The following TMEM190 variants were observed in gnomAD, a reference collection of about 807,000 sequenced individuals.
TMEM190 encodes the protein transmembrane protein 190.
TMEM190 carries 17 observed loss-of-function variants against 17.1 expected under a neutral mutation model. That is an observed-to-expected ratio of 0.99 (90% CI 0.68 to 1.49). The LOEUF (loss-of-function observed/expected upper bound fraction) is 1.49, where lower values mean the gene tolerates loss of function less well. Among genes scored for constraint, TMEM190 ranks in the 40% most tolerant of loss-of-function variants. The pLI, the probability that TMEM190 is intolerant of heterozygous loss-of-function variation, is 0.00. For missense variants in TMEM190, 246 were observed against 245.0 expected, an observed-to-expected ratio of 1.00 and a Z score of -0.03; for synonymous variants, 101 against 103.8, an observed-to-expected ratio of 0.97 and a Z score of 0.16.
intron 3 of TMEM190, 28 bp downstream of exon 3, chr19:55,377,746 G>T: frequency 6.2e-7 from 1 of 1,612,070 alleles, no homozygotes; most frequent in Non-Finnish European, 8.5e-7. Flanking sequence ...CAGGTCCCTG[G>T]GGCGTGGGTC....
In TMEM190 at chr19:55,376,977, C is replaced by T; in HGVS notation, c.59-14C>T. 2.6e-6 allele frequency: 4 copies of T among 1,552,002 alleles called. No homozygotes were observed. The highest frequency in any genetic ancestry group is 3.5e-6 in the Non-Finnish European group (4 of 1,147,222). On this transcript the variant is annotated splice_polypyrimidine_tract_variant and intron_variant, in intron 1 of 4. Transcript: ENST00000291934. ...CGGCTCCACACAGCCCTAACACTGCCCTTTCTCTCGCAGACGGAAATGGAA... is the reference window on the plus strand; with the variant it reads ...CGGCTCCACACAGCCCTAACACTGCTCTTTCTCTCGCAGACGGAAATGGAA...
In TMEM190 at chr19:55,376,868, G is replaced by T. The variant is rs1340202627; in HGVS notation, c.15G>T (p.Gly5=). 6.3e-7 allele frequency: 1 copy of T among 1,578,186 alleles called. No homozygotes were observed. Among genetic ancestry groups the T allele is most frequent in the South Asian group, 1.2e-5 (1 of 85,918 alleles). The change falls in exon 1 of 5, where the codon GGG becomes GGT. Residue 5 remains glycine (G), a synonymous_variant. Transcript: ENST00000291934. The part of the protein sequence containing the change: MLGC[G]IPALGLLLLL... ...GGGGAGGTGACATGTTGGGCTGTGG[G>T]ATCCCAGCGCTGGGCCTGCTCCTGC...
chr19:55,377,075 C>T, intron 2 of TMEM190, 49 bp downstream of exon 2: 1 of 1,543,354 alleles, frequency 6.5e-7, no homozygotes, highest in African/African-American at 1.4e-5. Flanking sequence ...GAGCCCAGAT[C>T]AGACCCCTGA....
intron 2 of TMEM190, 134 bp from the exon 3 acceptor site, chr19:55,377,459 A>T: frequency 7.1e-7 from 1 of 1,404,610 alleles, no homozygotes; most frequent in Admixed American, 2.3e-5. Flanking sequence ...GAGGGGGTGG[A>T]GTCTGGACCC....
intron 3 of TMEM190, 40 bp downstream of exon 3, chr19:55,377,758 GGC>G: frequency 6.2e-7 from 1 of 1,612,414 alleles, no homozygotes; most frequent in Non-Finnish European, 8.5e-7. Context: ...GCGTGGGTCT[GGC>G]GGTCGGGAGC....
chr19:55,378,209 T>G lies in TMEM190; in HGVS notation c.*6T>G. The G allele has an allele frequency of 6.6e-7, 1 of 1,522,934 alleles. No individual in the cohort carries two copies. 94.3% of individuals were successfully genotyped at this position (1,522,934 alleles called of 1,614,324 possible). On this transcript the variant is annotated 3_prime_UTR_variant, in exon 5 of 5. Coordinates refer to ENST00000291934, the MANE Select transcript of TMEM190 (RefSeq NM_139172.3). ...GCGAGGAAGAGGAGGATTAGGGGAG[T>G]CCCCGGGGGACTGCTCAATACAGAT...
At chr19:55,377,760 C>T (rs777447726) in intron 3 of TMEM190, 42 bp downstream of exon 3, 27 of 1,611,834 alleles carry the variant, frequency 1.7e-5, no homozygotes, top group East Asian at 4.5e-5. Flanking sequence ...GTGGGTCTGG[C>T]GGTCGGGAGC....
At position 55,377,090 on chromosome 19, in the gene TMEM190, G is replaced by C; in HGVS notation, c.94+64G>C. The C allele has an allele frequency of 2.0e-6, 3 of 1,521,186 alleles. No individual in the cohort carries two copies. In the South Asian group the frequency reaches 3.6e-5, roughly 18 times the overall value. The allele number at this position is 1,521,186 out of a possible 1,614,324, so 94.2% of individuals were successfully genotyped here. On this transcript the variant is annotated intron_variant, in intron 2 of 4. Transcript: ENST00000291934. ...GAGCCCAGATCAGACCCCTGAATCT[G>C]AGGGAGGAGGAGCTGGGGCCTGGAC...
Position 55,378,169 on chromosome 19 carries a change from G to A in TMEM190, c.500G>A (p.Gly167Asp), listed in dbSNP as rs1305864764. Residue 167 changes from glycine to aspartate, a missense_variant, in exon 5 of 5, where the codon GGT (glycine) becomes GAT (aspartate). Coordinates refer to ENST00000291934, the MANE Select transcript of TMEM190 (RefSeq NM_139172.3). ...ACCGAGGGGGAAGGGACGGAGGAGG[G>A]TGAGGAGACAGAGGGCGAGGAAGAG... ...GGTEGEGTEEGEETEGEEEED is the reference protein window; with the variant it reads ...GGTEGEGTEEDEETEGEEEED 6.4e-6 allele frequency: 10 copies of A among 1,565,868 alleles called. No individual in the cohort carries two copies. Among genetic ancestry groups the A allele is most frequent in the South Asian group, 4.7e-5 (4 of 84,222 alleles).
In TMEM190 at chr19:55,376,865, T is replaced by C; in HGVS notation, c.12T>C (p.Cys4=). MLG[C]GIPALGLLLL... Reference sequence around the variant, plus strand: ...TCTGGGGAGGTGACATGTTGGGCTGTGGGATCCCAGCGCTGGGCCTGCTCC... The same window carrying C: ...TCTGGGGAGGTGACATGTTGGGCTGCGGGATCCCAGCGCTGGGCCTGCTCC... The change falls in exon 1 of 5, where the codon TGT becomes TGC. Residue 4 remains cysteine, a synonymous_variant. Transcript: ENST00000291934. 6.3e-7 allele frequency: 1 copy of C among 1,577,192 alleles called. No individual in the cohort carries two copies. The highest frequency in any genetic ancestry group is 8.6e-7 in the Non-Finnish European group (1 of 1,161,494).
chr19:55,377,341 A>G (rs11880081), intron 2 of TMEM190, among the ~76,000 whole-genome samples: 232 of 21,924 alleles, frequency 0.011, 39 homozygotes, highest in African/African-American at 0.07. Flanking sequence ...CTGGGTCTGA[A>G]GGAGGGGGCT....
In TMEM190 at chr19:55,376,907, G is replaced by C; in HGVS notation, c.54G>C (p.Ser18=). Residue 18 remains serine (S), a synonymous_variant, in exon 1 of 5, where the codon TCG becomes TCC. Transcript: ENST00000291934. ...ALGLLLLLQG[S]ADGNGIQGFF... Reference sequence around the variant, plus strand: ...GCCTGCTCCTGCTGCTGCAGGGCTCGGCAGGTGAGGGGCTGGTGAGGCGGG... The same window carrying C: ...GCCTGCTCCTGCTGCTGCAGGGCTCCGCAGGTGAGGGGCTGGTGAGGCGGG... The C allele has an allele frequency of 3.2e-6, 5 of 1,577,076 alleles. No homozygotes were observed. Among genetic ancestry groups the C allele is most frequent in the Non-Finnish European group, 4.3e-6 (5 of 1,161,448 alleles).
chr19:55,376,987 G>A lies in TMEM190; in HGVS notation c.59-4G>A, dbSNP rs747439304. 17 of 1,551,570 alleles carry A rather than the reference G, an allele frequency of 1.1e-5. No individual in the cohort carries two copies. The Admixed American group carries it at 1.6e-4, about 14-fold the overall frequency. On this transcript the variant is annotated splice_region_variant and splice_polypyrimidine_tract_variant and intron_variant, in intron 1 of 4. Coordinates refer to ENST00000291934, the MANE Select transcript of TMEM190 (RefSeq NM_139172.3). ...CAGCCCTAACACTGCCCTTTCTCTC[G>A]CAGACGGAAATGGAATCCAGGGATT...
chr19:55,377,947 CG>C, intron 4 of TMEM190, 27 bp from the exon 5 acceptor site: 1 of 1,606,690 alleles, frequency 6.2e-7, no homozygotes, highest in Non-Finnish European at 8.5e-7. Context: ...CGGCGGAGGG[CG>C]GGGGCTGAGC....
chr19:55,377,586 TC>T lies in TMEM190; in HGVS notation c.95-3del. 2 of 1,603,798 alleles carry T rather than the reference TC, an allele frequency of 1.2e-6. No individual in the cohort carries two copies. Among genetic ancestry groups the T allele is most frequent in the Non-Finnish European group, 8.5e-7 (1 of 1,174,820 alleles). On this transcript the variant is annotated splice_region_variant and splice_polypyrimidine_tract_variant and intron_variant, in intron 2 of 4. Coordinates refer to ENST00000291934, the MANE Select transcript of TMEM190 (RefSeq NM_139172.3). ...GATGAAGCAAGCCACTGGTGGTTGG[TC>T]CCCAGGCTGTGAGGGTGACATATGG...
Position 55,378,036 on chromosome 19 carries a change from T to A in TMEM190, c.367T>A (p.Ser123Thr), listed in dbSNP as rs1417968943. The A allele has an allele frequency of 2.5e-6, 4 of 1,612,344 alleles. No individual in the cohort carries two copies. Among genetic ancestry groups the A allele is most frequent in the Non-Finnish European group, 3.4e-6 (4 of 1,179,748 alleles). The change falls in exon 5 of 5, where the codon TCC (serine) becomes ACC (threonine). Residue 123 changes from serine to threonine, a missense_variant. Ser to Thr is a moderately conservative substitution (Grantham distance 58). Transcript: ENST00000291934. ...TTTCCTGGCGGGTCCGTGTGACATG[T>A]CCAAGTCCGTCTCGCTGCTCTCCAA... is the stretch of plus-strand genomic sequence containing the variant. ...PGFLAGPCDM[S>T]KSVSLLSKHR...
chr19:55,376,926 AGGCGGG>A lies in TMEM190; in HGVS notation c.58+18_58+23del. On this transcript the variant is annotated intron_variant, in intron 1 of 4. Transcript: ENST00000291934. ...GGGCTCGGCAGGTGAGGGGCTGGTG[AGGCGGG>A]GGAGCTGAGGAGGGACGCCCGGCTC... is the stretch of plus-strand genomic sequence containing the variant. 1 of 1,561,998 alleles carries A rather than the reference AGGCGGG, an allele frequency of 6.4e-7. No individual in the cohort carries two copies. The highest frequency in any genetic ancestry group is 8.7e-7 in the Non-Finnish European group (1 of 1,152,310).
chr19:55,377,022 A>C lies in TMEM190; in HGVS notation c.90A>C (p.Pro30=), dbSNP rs762707103. 1.0e-5 allele frequency: 16 copies of C among 1,551,240 alleles called. No individual in the cohort carries two copies. In the South Asian group the frequency reaches 1.9e-4, roughly 18 times the overall value. ...ATGGAATCCAGGGATTCTTCTACCC[A>C]TGGAGTGAGCAGCCGCTGAAATACT... ...DGNGIQGFFY[P]WSCEGDIWDR... The change falls in exon 2 of 5, where the codon CCA becomes CCC. Residue 30 remains proline (P), a synonymous_variant. Coordinates refer to ENST00000291934, the MANE Select transcript of TMEM190 (RefSeq NM_139172.3).
chr19:55,377,590 C>T lies in TMEM190; in HGVS notation c.95-3C>T. 6.2e-7 allele frequency: 1 copy of T among 1,605,398 alleles called. No homozygotes were observed. Among genetic ancestry groups the T allele is most frequent in the East Asian group, 2.2e-5 (1 of 44,748 alleles). Reference sequence around the variant, plus strand: ...AAGCAAGCCACTGGTGGTTGGTCCCCAGGCTGTGAGGGTGACATATGGGAC... The same window carrying T: ...AAGCAAGCCACTGGTGGTTGGTCCCTAGGCTGTGAGGGTGACATATGGGAC... On this transcript the variant is annotated splice_polypyrimidine_tract_variant and splice_region_variant and intron_variant, in intron 2 of 4. Transcript: ENST00000291934.
Sources: allele counts gnomAD v4.1 joint callset (sites outside exome capture counted in the v4.1 genomes callset), GRCh38; gene constraint gnomAD v4.1.1; transcripts MANE v1.5; gene names NCBI Gene and HGNC (gene_info 2026-07-23, HGNC 2026-07-21).